The following CORO2A variants were observed in gnomAD, a reference collection of about 807,000 sequenced individuals.
CORO2A encodes the protein coronin 2A.
CORO2A carries 47 observed loss-of-function variants against 62.4 expected under a neutral mutation model. That is an observed-to-expected ratio of 0.75 (90% CI 0.60 to 0.96). CORO2A has a LOEUF of 0.96. Ranked by LOEUF, CORO2A falls within the 40% of genes least tolerant of loss-of-function variation. The pLI is 0.00. For synonymous variants in CORO2A, 273 were observed against 268.9 expected (o/e 1.02, Z -0.15); for missense variants, 610 against 684.1 (o/e 0.89, Z 1.21).
rs1587986458 is a variant in CORO2A, at chr9:98,121,015, A to G, written c.*3759T>C. On this transcript the variant is annotated 3_prime_UTR_variant, in exon 12 of 12. Coordinates refer to ENST00000375077, the MANE Select transcript of CORO2A (RefSeq NM_052820.4). The stretch of plus-strand genomic sequence containing the variant: ...CAGATGTTTATTATTTTGTTACATT[A>G]TTTCCATTGCATATTCCACATCTAT... The G allele has an allele frequency of 6.6e-6, 1 of 152,178 alleles. No individual in the cohort carries two copies. The highest frequency in any genetic ancestry group is 1.5e-5 in the Non-Finnish European group (1 of 68,032). 9.4% of individuals were successfully genotyped at this position (152,178 alleles called of 1,614,324 possible).
chr9:98,154,546 C>T lies in CORO2A; in HGVS notation c.201+2914G>A, dbSNP rs149322272. Among the ~76,000 whole-genome samples the T allele has an allele frequency of 8.3e-3, 1,260 of 152,008 alleles. 9 individuals carry two copies. The highest frequency in any genetic ancestry group is 0.013 in the Non-Finnish European group (868 of 67,958). Reference sequence around the variant, plus strand: ...GGTCTCCCACGAGATGCTTTCCAGTCGTAACCCTCTCCATCCCCCAGGGGT... The same window carrying T: ...GGTCTCCCACGAGATGCTTTCCAGTTGTAACCCTCTCCATCCCCCAGGGGT... On this transcript the variant is annotated intron_variant, in intron 2 of 11. Coordinates refer to ENST00000375077, the MANE Select transcript of CORO2A (RefSeq NM_052820.4).
chr9:98,133,682 A>T (rs1445777358), intron 4 of CORO2A, among the ~76,000 whole-genome samples: 1 of 152,212 alleles, frequency 6.6e-6, no homozygotes, highest in Non-Finnish European at 1.5e-5. Flanking sequence ...GCAGCTCTGC[A>T]GACACCCCAT....
At chr9:98,158,739 A>C (rs1016969705) in intron 1 of CORO2A, among the ~76,000 whole-genome samples, 1 of 152,122 alleles carries the variant, frequency 6.6e-6, no homozygotes, top group Non-Finnish European at 1.5e-5. Context: ...AGGCAGGATG[A>C]GGGAGAGCTG....
chr9:98,160,089 T>A (rs747964121), intron 1 of CORO2A, among the ~76,000 whole-genome samples: 1 of 152,198 alleles, frequency 6.6e-6, no homozygotes, highest in African/African-American at 2.4e-5. Context: ...GGGGCTTGTG[T>A]ATCCCATAAA....
chr9:98,133,911 C>T (rs1481194808), intron 4 of CORO2A, among the ~76,000 whole-genome samples: 1 of 151,622 alleles, frequency 6.6e-6, no homozygotes. Flanking sequence ...CATTTTCCCA[C>T]ACCTGGCTAA....
chr9:98,137,624 T>C lies in CORO2A; in HGVS notation c.266A>G (p.Lys89Arg). 6.2e-7 allele frequency: 1 copy of C among 1,614,254 alleles called. No homozygotes were observed. Among genetic ancestry groups the C allele is most frequent in the Non-Finnish European group, 8.5e-7 (1 of 1,180,052 alleles). ...CGHRGNVLDV[K>R]WNPFDDFEIA... ...CTCAAAATCATCAAAAGGGTTCCAC[T>C]TGACATCCAAAACGTTGCCTCTGTG... The change falls in exon 3 of 12, where the codon AAG becomes AGG. Residue 89 changes from lysine to arginine, a missense_variant. Coordinates refer to ENST00000375077, the MANE Select transcript of CORO2A (RefSeq NM_052820.4).
rs993617176 is a variant in CORO2A, at chr9:98,125,709, ATTTTTTT to A, written c.1447-811_1447-805del. Among the ~76,000 whole-genome samples, 17 of 89,592 alleles carry A rather than the reference ATTTTTTT, an allele frequency of 1.9e-4. No homozygotes were observed. In the East Asian group the frequency reaches 4.2e-3, roughly 22 times the overall value. The allele number at this position is 89,592 out of a possible 152,430, so 58.8% of individuals were successfully genotyped here. On this transcript the variant is annotated intron_variant, in intron 11 of 11. Coordinates refer to ENST00000375077, the MANE Select transcript of CORO2A (RefSeq NM_052820.4). The stretch of plus-strand genomic sequence containing the variant: ...TCCATTTTACAGATGGTTTCCCACC[ATTTTTTT>A]TTTTTTTTTTTTTTTTTTTGAGACA...
chr9:98,162,753 G>A (rs1438418867), intron 1 of CORO2A, among the ~76,000 whole-genome samples: 1 of 152,222 alleles, frequency 6.6e-6, no homozygotes, highest in Non-Finnish European at 1.5e-5. Flanking sequence ...GTTTAACTGA[G>A]GCTGTGTATA....
chr9:98,124,167 C>T lies in CORO2A; in HGVS notation c.*607G>A, dbSNP rs1222367751. Reference sequence around the variant, plus strand: ...TCGCTGGAATTACAGGCGCCTGCCACCACGCCCAGCTAATTTTTTTGTATT... The same window carrying T: ...TCGCTGGAATTACAGGCGCCTGCCATCACGCCCAGCTAATTTTTTTGTATT... On this transcript the variant is annotated 3_prime_UTR_variant, in exon 12 of 12. Transcript: ENST00000375077. 1 of 152,030 alleles carries T rather than the reference C, an allele frequency of 6.6e-6. No individual in the cohort carries two copies. Among genetic ancestry groups the T allele is most frequent in the African/African-American group, 2.4e-5 (1 of 41,374 alleles). The allele number at this position is 152,030 out of a possible 1,614,324, so 9.4% of individuals were successfully genotyped here. A position where few individuals can be genotyped will look rare whatever the true frequency, so the allele number is the denominator to read the frequency against.
chr9:98,140,332 T>C (rs1337843369), intron 2 of CORO2A, among the ~76,000 whole-genome samples: 3 of 152,250 alleles, frequency 2.0e-5, no homozygotes, highest in East Asian at 1.9e-4. Context: ...GCAGAATCAA[T>C]AGTCTTGGGA....
At chr9:98,163,625 C>A (rs1425770021) in intron 1 of CORO2A, among the ~76,000 whole-genome samples, 3 of 152,064 alleles carry the variant, frequency 2.0e-5, no homozygotes, top group Admixed American at 6.6e-5. Context: ...TTATGATGAG[C>A]AGTGCAGGTG....
At chr9:98,153,397 G>A (rs1371872950) in intron 2 of CORO2A, among the ~76,000 whole-genome samples, 1 of 147,060 alleles carries the variant, frequency 6.8e-6, no homozygotes, top group Non-Finnish European at 1.5e-5. Flanking sequence ...CAGCGCATCC[G>A]GCTGATAACT....
At chr9:98,140,097 C>T (rs989637507) in intron 2 of CORO2A, among the ~76,000 whole-genome samples, 2 of 152,154 alleles carry the variant, frequency 1.3e-5, no homozygotes, top group African/African-American at 4.8e-5. Flanking sequence ...GAACAGGGAC[C>T]AGGACCCAGG....
intron 1 of CORO2A, among the ~76,000 whole-genome samples, chr9:98,167,109 A>G (rs1827972233): frequency 6.6e-6 from 1 of 151,942 alleles, no homozygotes; most frequent in African/African-American, 2.4e-5. Context: ...GTCTCAAAAA[A>G]AAAAAAAAAA....
At chr9:98,139,504 G>A (rs1223317036) in intron 2 of CORO2A, among the ~76,000 whole-genome samples, 1 of 152,216 alleles carries the variant, frequency 6.6e-6, no homozygotes, top group Non-Finnish European at 1.5e-5. Flanking sequence ...GCACATGCCT[G>A]TAATCCAAGC....
chr9:98,141,349 CTTTTTTTTTTT>C (rs138734683), intron 2 of CORO2A, among the ~76,000 whole-genome samples: 2 of 103,844 alleles, frequency 1.9e-5, no homozygotes, highest in African/African-American at 7.4e-5. Context: ...ACCACTGACC[CTTTTTTTTTTT>C]TTTTTTTTGG....
intron 1 of CORO2A, among the ~76,000 whole-genome samples, chr9:98,187,076 G>A (rs1828248030): frequency 6.6e-6 from 1 of 152,012 alleles, no homozygotes; most frequent in South Asian, 2.1e-4. Flanking sequence ...TCAGGAGATT[G>A]AGGCCATCCT....
At chr9:98,138,774 C>T (rs1419784553) in intron 2 of CORO2A, among the ~76,000 whole-genome samples, 5 of 152,040 alleles carry the variant, frequency 3.3e-5, no homozygotes, top group African/African-American at 7.2e-5. Flanking sequence ...ACGGGCTGGG[C>T]GCGGTGGCTC....
intron 1 of CORO2A, among the ~76,000 whole-genome samples, chr9:98,175,346 C>T (rs1398769201): frequency 6.6e-6 from 1 of 152,190 alleles, no homozygotes; most frequent in African/African-American, 2.4e-5. Context: ...TGGCTCTTCC[C>T]ACCAACCTCC....
Sources: allele counts gnomAD v4.1 joint callset (sites outside exome capture counted in the v4.1 genomes callset), GRCh38; gene constraint gnomAD v4.1.1; transcripts MANE v1.5; gene names NCBI Gene and HGNC (gene_info 2026-07-23, HGNC 2026-07-21).